The following SLCO1A2 variants were observed in gnomAD, a reference collection of about 807,000 sequenced individuals.
The protein encoded by SLCO1A2 is solute carrier organic anion transporter family member 1A2.
SLCO1A2 carries 67 observed loss-of-function variants against 69.0 expected under a neutral mutation model. The ratio of observed to expected loss-of-function variants is 0.97; its 90% CI spans 0.80 to 1.19. The LOEUF is 1.19. Among genes scored for constraint, SLCO1A2 ranks in the 50% most tolerant of loss-of-function variants. The pLI, the probability that SLCO1A2 is intolerant of heterozygous loss-of-function variation, is 0.00. For synonymous variants in SLCO1A2, 260 were observed against 265.9 expected (o/e 0.98, Z 0.22); for missense variants, 787 against 793.7 (o/e 0.99, Z 0.10).
chr12:21,329,754 A>G (rs1952486416), intron 2 of SLCO1A2, among the ~76,000 whole-genome samples: 1 of 126,390 alleles, frequency 7.9e-6, no homozygotes, highest in Non-Finnish European at 1.7e-5. Context: ...AATAACTCTT[A>G]GAAAAAAAAA....
chr12:21,351,122 T>C (rs1312341785), intron 2 of SLCO1A2, among the ~76,000 whole-genome samples: 1 of 152,098 alleles, frequency 6.6e-6, no homozygotes, highest in Non-Finnish European at 1.5e-5. Context: ...TGCCTAAATG[T>C]GTACAAGGCA....
chr12:21,302,676 CCTA>C (rs1394842251), intron 6 of SLCO1A2, among the ~76,000 whole-genome samples: 6 of 152,176 alleles, frequency 3.9e-5, no homozygotes, highest in Admixed American at 3.9e-4. Context: ...CCTGTCTCAG[CCTA>C]CTGAGTAGCT....
chr12:21,391,644 C>T (rs1941158383), intron 1 of SLCO1A2, among the ~76,000 whole-genome samples: 3 of 152,060 alleles, frequency 2.0e-5, no homozygotes, highest in South Asian at 4.1e-4. Context: ...TCTTCCTCCA[C>T]TGCCTATCAA....
At chr12:21,398,076 A>C (rs1941541633), upstream of SLCO1A2, among the ~76,000 whole-genome samples, 1 of 137,556 alleles carries the variant, frequency 7.3e-6, no homozygotes, top group South Asian at 2.5e-4. Flanking sequence ...AAAATTAATG[A>C]ATCCAGGAGC....
Position 21,274,583 on chromosome 12 carries a change from C to T in SLCO1A2, c.1679G>A (p.Gly560Asp). 1 of 1,585,576 alleles carries T rather than the reference C, an allele frequency of 6.3e-7. No individual in the cohort carries two copies. The highest frequency in any genetic ancestry group is 8.7e-7 in the Non-Finnish European group (1 of 1,155,430). The change falls in exon 14 of 15, where the codon GGC (glycine) becomes GAC (aspartate). Residue 560 changes from glycine (G) to aspartate (D), a missense_variant. Physicochemically the swap from Gly to Asp is moderately conservative, Grantham distance 94 (BLOSUM62 -1). Coordinates refer to ENST00000683939, the MANE Select transcript of SLCO1A2 (RefSeq NM_001386879.1). Reference sequence around the variant, plus strand: ...GCCAAAATATATAGGTGCAGGAATGCCAGCTACAATTGACAGGGAAAGAAA... The same window carrying T: ...GCCAAAATATATAGGTGCAGGAATGTCAGCTACAATTGACAGGGAAAGAAA... ...LHTFCTRVFA[G>D]IPAPIYFGAL...
rs1486008663 is a variant in SLCO1A2, at chr12:21,306,895, C to T, written c.429G>A (p.Thr143=). The T allele has an allele frequency of 3.1e-6, 5 of 1,612,824 alleles. No individual in the cohort carries two copies. Among genetic ancestry groups the T allele is most frequent in the Non-Finnish European group, 4.2e-6 (5 of 1,178,942 alleles). ...GAAGTAGACAACCTGATGGATCCTG[C>T]GTTGGTCTTAAAATCTGGGTTCCAT... ...MENGTQILRP[T]QDPSECTKEV... is the part of the protein sequence containing the mutation. The change falls in exon 5 of 15, where the codon ACG becomes ACA. Residue 143 remains threonine, a synonymous_variant. Coordinates refer to ENST00000683939, the MANE Select transcript of SLCO1A2 (RefSeq NM_001386879.1).
chr12:21,388,671 A>C (rs1390547548), intron 1 of SLCO1A2, among the ~76,000 whole-genome samples: 1 of 152,100 alleles, frequency 6.6e-6, no homozygotes, highest in Non-Finnish European at 1.5e-5. Context: ...ATACAACACT[A>C]ATTTTTAACT....
intron 1 of SLCO1A2, among the ~76,000 whole-genome samples, chr12:21,393,434 A>T (rs987424465): frequency 4.6e-5 from 7 of 152,210 alleles, no homozygotes; most frequent in Non-Finnish European, 1.0e-4. Flanking sequence ...ACCATTTTCA[A>T]TTGTGAAAGA....
At chr12:21,282,895 A>G (rs530577716) in intron 12 of SLCO1A2, among the ~76,000 whole-genome samples, 10 of 152,274 alleles carry the variant, frequency 6.6e-5, no homozygotes, top group South Asian at 4.1e-4. Context: ...TACAATAAAA[A>G]CTGTAAAACA....
chr12:21,374,184 T>G (rs1940014877), intron 2 of SLCO1A2, among the ~76,000 whole-genome samples: 1 of 152,192 alleles, frequency 6.6e-6, no homozygotes, highest in Admixed American at 6.5e-5. Flanking sequence ...TAAGGACATC[T>G]AACAACTATG....
intron 3 of SLCO1A2, 50 bp downstream of exon 3, chr12:21,318,732 C>A: frequency 6.6e-7 from 1 of 1,510,306 alleles, no homozygotes; most frequent in Non-Finnish European, 8.9e-7. Flanking sequence ...AGACTAGCTC[C>A]ACAGATAAGA....
intron 1 of SLCO1A2, among the ~76,000 whole-genome samples, chr12:21,409,977 G>T (rs1352416269): frequency 6.6e-6 from 1 of 152,146 alleles, no homozygotes; most frequent in East Asian, 1.9e-4. Flanking sequence ...AGCTCTCCAG[G>T]AAATCCTTCA....
rs772522777 is a variant in SLCO1A2 at position 21,293,979 on chromosome 12, C to T, written c.1403G>A (p.Gly468Asp). Reference sequence around the variant, plus strand: ...TCCCGTTCCAATGGATGTCTCACAACCAGCAAGACAAGCTGACAGATATGA... The same window carrying T: ...TCCCGTTCCAATGGATGTCTCACAATCAGCAAGACAAGCTGACAGATATGA... ...GLSYLSACLA[G>D]CETSIGTGIN... The change falls in exon 11 of 15, where the codon GGT (glycine) becomes GAT (aspartate). Residue 468 changes from glycine to aspartate, a missense_variant. Gly to Asp is a moderately conservative substitution (Grantham distance 94, BLOSUM62 -1). Coordinates refer to ENST00000683939, the MANE Select transcript of SLCO1A2 (RefSeq NM_001386879.1). The T allele has an allele frequency of 1.9e-6, 3 of 1,611,624 alleles. No individual in the cohort carries two copies. In the South Asian group the frequency reaches 3.3e-5, roughly 18 times the overall value.
intron 2 of SLCO1A2, among the ~76,000 whole-genome samples, chr12:21,360,436 C>G (rs562732857): frequency 6.6e-6 from 1 of 152,118 alleles, no homozygotes; most frequent in African/African-American, 2.4e-5. Flanking sequence ...GAGGGTGGCA[C>G]CAAGATGGCC....
chr12:21,391,558 A>T (rs1941153837), intron 1 of SLCO1A2, among the ~76,000 whole-genome samples: 1 of 152,174 alleles, frequency 6.6e-6, no homozygotes, highest in African/African-American at 2.4e-5. Context: ...AGGAATATTT[A>T]CATTTGAAAA....
intron 1 of SLCO1A2, among the ~76,000 whole-genome samples, chr12:21,404,122 CT>C (rs1941784017): frequency 6.6e-6 from 1 of 152,108 alleles, no homozygotes; most frequent in Non-Finnish European, 1.5e-5. Context: ...GTATCAGTAA[CT>C]TTCTAGCTGG....
rs955713287 is a variant in SLCO1A2, at chr12:21,393,577, A to C, written c.-190+1329T>G. ...GGCAAAGATAAATAAATCTTTGCTCAGCTTATCAAAGAAAATTCTGCAATA... is the reference window on the plus strand; with the variant it reads ...GGCAAAGATAAATAAATCTTTGCTCCGCTTATCAAAGAAAATTCTGCAATA... On this transcript the variant is annotated intron_variant, in intron 1 of 15. Transcript: ENST00000307378. Among the ~76,000 whole-genome samples, 4 of 152,220 alleles carry C rather than the reference A, an allele frequency of 2.6e-5. No individual in the cohort carries two copies. The South Asian group carries it at 6.2e-4, about 24-fold the overall frequency.
intron 2 of SLCO1A2, among the ~76,000 whole-genome samples, chr12:21,322,937 T>C (rs528140247): frequency 6.6e-6 from 1 of 152,302 alleles, no homozygotes; most frequent in East Asian, 1.9e-4. Context: ...TTTTATTTTG[T>C]CTCATACCAT....
intron 3 of SLCO1A2, among the ~76,000 whole-genome samples, chr12:21,317,222 C>T (rs1950988389): frequency 6.6e-6 from 1 of 152,116 alleles, no homozygotes; most frequent in South Asian, 2.1e-4. Context: ...AAGTAAATGC[C>T]ATAGCAGGCA....
Sources: allele counts gnomAD v4.1 joint callset (sites outside exome capture counted in the v4.1 genomes callset), GRCh38; gene constraint gnomAD v4.1.1; transcripts MANE v1.5; gene names NCBI Gene and HGNC (gene_info 2026-07-23, HGNC 2026-07-21).